Variants in PDE7A observed in about 807,000 individuals in gnomAD.
PDE7A encodes the protein phosphodiesterase 7A.
PDE7A carries 39 observed loss-of-function variants against 64.3 expected under a neutral mutation model. That is an observed-to-expected ratio of 0.61 (90% confidence interval 0.47 to 0.79). PDE7A has a LOEUF of 0.79. Among genes scored for constraint, PDE7A ranks in the 30% least tolerant of loss-of-function variants. PDE7A has a pLI of 0.00. For synonymous variants in PDE7A, 203 were observed against 206.8 expected, an observed-to-expected ratio of 0.98 and a Z score of 0.16; for missense variants, 470 against 582.8, an observed-to-expected ratio of 0.81 and a Z score of 1.99.
At chr8:65,831,594 T>C (rs1585955291) in intron 1 of PDE7A, among the ~76,000 whole-genome samples, 1 of 152,054 alleles carries the variant, frequency 6.6e-6, no homozygotes, top group African/African-American at 2.4e-5. Context: ...GAAAGTAAAA[T>C]TACTTTACAA....
Position 65,719,456 on chromosome 8 carries a change from C to T in PDE7A, c.1283G>A (p.Trp428Ter), listed in dbSNP as rs772669911. 2 of 1,614,040 alleles carry T rather than the reference C, an allele frequency of 1.2e-6. No homozygotes were observed. The highest frequency in any genetic ancestry group is 3.3e-5 in the Admixed American group (2 of 60,012). The change falls in exon 13 of 13, where the codon TGG becomes TAG. Residue 428 changes from tryptophan (W) to a stop codon, truncating the protein, a stop_gained. Coordinates refer to ENST00000401827, the MANE Select transcript of PDE7A (RefSeq NM_001242318.3). LOFTEE classifies it high-confidence loss of function. The part of the protein sequence containing the change: ...TYLVEPLFTE[W>*]ARFSNTRLSQ... Reference sequence around the variant, plus strand: ...TAGCCTTGTATTGGAAAACCTGGCCCATTCTGTAAATAAAGGCTCCACTAG... The same window carrying T: ...TAGCCTTGTATTGGAAAACCTGGCCTATTCTGTAAATAAAGGCTCCACTAG...
At chr8:65,720,009 G>C (rs1023160858) in intron 12 of PDE7A, among the ~76,000 whole-genome samples, 2 of 152,104 alleles carry the variant, frequency 1.3e-5, no homozygotes, top group Non-Finnish European at 2.9e-5. Flanking sequence ...ATTTAACTCA[G>C]AATTTATAAA....
chr8:65,791,354 A>G (rs911297059), intron 1 of PDE7A, among the ~76,000 whole-genome samples: 1 of 152,214 alleles, frequency 6.6e-6, no homozygotes, highest in Non-Finnish European at 1.5e-5. Flanking sequence ...GGTAAGTGGT[A>G]TCTATAAACG....
intron 5 of PDE7A, among the ~76,000 whole-genome samples, chr8:65,741,913 G>A (rs1024318035): frequency 6.6e-6 from 1 of 152,206 alleles, no homozygotes; most frequent in Non-Finnish European, 1.5e-5. Flanking sequence ...CAGGCAAAGT[G>A]CAGTGAAGAA....
At position 65,716,280 on chromosome 8, in the gene PDE7A, G is replaced by A. The variant is rs1463550289; in HGVS notation, c.*3010C>T. Among the ~76,000 whole-genome samples the A allele has an allele frequency of 6.6e-6, 1 of 152,140 alleles. No homozygotes were observed. Among genetic ancestry groups the A allele is most frequent in the Non-Finnish European group, 1.5e-5 (1 of 68,018 alleles). On this transcript the variant is annotated 3_prime_UTR_variant, in exon 13 of 13. Transcript: ENST00000401827. ...CACCCACAGTTCCCCTGAGAATGTG[G>A]AAATAGGATGATCTTTTCAGTTTCA...
chr8:65,788,000 T>C (rs1281720280), intron 1 of PDE7A, among the ~76,000 whole-genome samples: 4 of 152,318 alleles, frequency 2.6e-5, no homozygotes, highest in African/African-American at 9.6e-5. Context: ...TTCAATCATA[T>C]TCACTAAGAA....
At chr8:65,761,025 A>G (rs1240986995) in intron 3 of PDE7A, among the ~76,000 whole-genome samples, 1 of 151,986 alleles carries the variant, frequency 6.6e-6, no homozygotes, top group South Asian at 2.1e-4. Context: ...CTCTGGCTGT[A>G]TTACACAATA....
At chr8:65,819,967 T>C (rs1422168947) in intron 1 of PDE7A, among the ~76,000 whole-genome samples, 1 of 152,240 alleles carries the variant, frequency 6.6e-6, no homozygotes, top group Non-Finnish European at 1.5e-5. Context: ...AAGTGTGAAA[T>C]TGTACAACCA....
intron 12 of PDE7A, among the ~76,000 whole-genome samples, chr8:65,720,838 A>G (rs150588739): frequency 6.6e-6 from 1 of 152,332 alleles, no homozygotes; most frequent in Non-Finnish European, 1.5e-5. Context: ...CTACAGTGTT[A>G]TGTTGAGCCA....
intron 2 of PDE7A, among the ~76,000 whole-genome samples, chr8:65,780,384 T>C (rs1809380265): frequency 2.0e-5 from 3 of 152,218 alleles, no homozygotes; most frequent in South Asian, 4.1e-4. Context: ...TCAATCTGAT[T>C]AATCACTCTT....
At chr8:65,750,022 G>A (rs1158605891) in intron 3 of PDE7A, among the ~76,000 whole-genome samples, 2 of 21,876 alleles carry the variant, frequency 9.1e-5, no homozygotes, top group African/African-American at 3.9e-4. Context: ...TAATAGCATG[G>A]CATGAATATG....
Position 65,724,788 on chromosome 8 carries a change from A to G in PDE7A, c.1054T>C (p.Leu352=). 6.2e-7 allele frequency: 1 copy of G among 1,604,072 alleles called. No individual in the cohort carries two copies. Among genetic ancestry groups the G allele is most frequent in the Non-Finnish European group, 8.5e-7 (1 of 1,175,620 alleles). ...LCLEDTRHRH[L]VLQMALKCAD... ...AAGCCCCATTTTACCTGTAAAACCA[A>G]ATGTCTGTGTCTGGTGTCTTCTAGG... Residue 352 remains leucine (L), a synonymous_variant, in exon 10 of 13, where the codon TTG becomes CTG. Transcript: ENST00000401827.
chr8:65,729,604 C>G (rs1219789890), intron 7 of PDE7A, among the ~76,000 whole-genome samples: 1 of 152,016 alleles, frequency 6.6e-6, no homozygotes, highest in Admixed American at 6.6e-5. Flanking sequence ...CTTGCTGATG[C>G]CCAGCCTGGA....
At chr8:65,743,127 TGA>T (rs139902037) in intron 5 of PDE7A, among the ~76,000 whole-genome samples, 3,642 of 152,300 alleles carry the variant, frequency 0.024, 139 homozygotes, top group African/African-American at 0.082. Flanking sequence ...CTATGAGCTG[TGA>T]GAGTTTATGT....
intron 1 of PDE7A, among the ~76,000 whole-genome samples, chr8:65,825,501 T>C (rs1810649243): frequency 6.6e-6 from 1 of 152,204 alleles, no homozygotes; most frequent in Non-Finnish European, 1.5e-5. Context: ...CTGTGTTACT[T>C]TGGGCACCTT....
chr8:65,761,320 T>TCCCAA (rs1486299500), intron 3 of PDE7A, among the ~76,000 whole-genome samples: 1 of 152,176 alleles, frequency 6.6e-6, no homozygotes, highest in Non-Finnish European at 1.5e-5. Context: ...TGCCTTGGCC[T>TCCCAA]CCCAAAGTGC....
chr8:65,775,777 AC>A (rs1298260490), intron 3 of PDE7A, among the ~76,000 whole-genome samples: 1 of 152,076 alleles, frequency 6.6e-6, no homozygotes, highest in African/African-American at 2.4e-5. Flanking sequence ...ACAGGCACGC[AC>A]CACTGCACCT....
At chr8:65,820,893 ATTG>A (rs1440347161) in intron 1 of PDE7A, among the ~76,000 whole-genome samples, 1 of 152,208 alleles carries the variant, frequency 6.6e-6, no homozygotes, top group Non-Finnish European at 1.5e-5. Flanking sequence ...CCTGGCTGAA[ATTG>A]TTGATTTAAA....
chr8:65,790,566 T>C (rs1006984487), intron 1 of PDE7A, among the ~76,000 whole-genome samples: 2 of 152,226 alleles, frequency 1.3e-5, no homozygotes, highest in African/African-American at 4.8e-5. Context: ...TAATCCTCAG[T>C]ACAAAGAGCT....
Sources: allele counts gnomAD v4.1 joint callset (sites outside exome capture counted in the v4.1 genomes callset), GRCh38; gene constraint gnomAD v4.1.1; transcripts MANE v1.5; gene names NCBI Gene and HGNC (gene_info 2026-07-23, HGNC 2026-07-21).